Variants in PCDH15 observed in about 807,000 individuals in gnomAD.
PCDH15 encodes protocadherin related 15, also known as protocadherin-15.
Under a neutral mutation model 178.5 loss-of-function variants are expected in PCDH15, and 129 were observed. The observed-to-expected ratio is 0.72, with a 90% CI of 0.63 to 0.84. The LOEUF is 0.84. Among genes scored for constraint, PCDH15 ranks in the 40% least tolerant of loss-of-function variants. PCDH15 has a pLI of 0.00. For missense variants in PCDH15, 2,230 were observed against 2,099.9 expected, an observed-to-expected ratio of 1.06 and a Z score of -1.21; for synonymous variants, 800 against 732.0, an observed-to-expected ratio of 1.09 and a Z score of -1.50.
chr10:54,572,109 C>A (rs2089920449), intron 2 of PCDH15, among the ~76,000 whole-genome samples: 3 of 152,168 alleles, frequency 2.0e-5, no homozygotes, highest in Admixed American at 6.5e-5. Flanking sequence ...TGACGAAATA[C>A]CGTGTTTGTC....
chr10:54,407,343 G>A (rs891733003), intron 3 of PCDH15, among the ~76,000 whole-genome samples: 2 of 151,912 alleles, frequency 1.3e-5, no homozygotes, highest in African/African-American at 4.8e-5. Flanking sequence ...ATATTTCATT[G>A]ATTTCAATGT....
intron 3 of PCDH15, among the ~76,000 whole-genome samples, chr10:54,455,072 CCTG>C (rs2076732297): frequency 6.6e-6 from 1 of 152,248 alleles, no homozygotes; most frequent in African/African-American, 2.4e-5. Flanking sequence ...ACTTCTCCTT[CCTG>C]CTGCCATGTG....
chr10:55,221,006 A>G (rs1453709900), intron 1 of PCDH15, among the ~76,000 whole-genome samples: 1 of 152,122 alleles, frequency 6.6e-6, no homozygotes, highest in African/African-American at 2.4e-5. Flanking sequence ...TAAAACCTGG[A>G]AACCACCCAA....
chr10:55,283,107 C>T (rs568969469), intron 1 of PCDH15, among the ~76,000 whole-genome samples: 1 of 152,244 alleles, frequency 6.6e-6, no homozygotes, highest in South Asian at 2.1e-4. Context: ...TGTAAGTTTC[C>T]AAACCTCCCT....
intron 3 of PCDH15, among the ~76,000 whole-genome samples, chr10:54,477,871 C>G (rs931803409): frequency 6.6e-6 from 1 of 152,190 alleles, no homozygotes; most frequent in Non-Finnish European, 1.5e-5. Flanking sequence ...GCATGAGCTA[C>G]TGCACTCAGC....
At chr10:53,918,588 A>C (rs1249185105) in intron 25 of PCDH15, among the ~76,000 whole-genome samples, 1 of 152,222 alleles carries the variant, frequency 6.6e-6, no homozygotes, top group African/African-American at 2.4e-5. Flanking sequence ...ATTACAAATG[A>C]ATTAAAGGAT....
intron 1 of PCDH15, among the ~76,000 whole-genome samples, chr10:54,786,655 T>C (rs1231799365): frequency 6.6e-6 from 1 of 151,970 alleles, no homozygotes; most frequent in Non-Finnish European, 1.5e-5. Context: ...AGCAGAATTT[T>C]AAATGAAGGG....
chr10:55,278,543 C>A (rs1842652022), intron 1 of PCDH15, among the ~76,000 whole-genome samples: 1 of 151,938 alleles, frequency 6.6e-6, no homozygotes, highest in South Asian at 2.1e-4. Flanking sequence ...TTTTGATTTA[C>A]AAAATTTTAA....
intron 15 of PCDH15, among the ~76,000 whole-genome samples, chr10:54,092,886 T>G (rs890721854): frequency 9.2e-5 from 14 of 152,164 alleles, no homozygotes; most frequent in Admixed American, 6.6e-4. Context: ...GTTTGTTTAT[T>G]GATATGTGGT....
rs57385317 is a variant in PCDH15 at position 54,023,231 on chromosome 10, C to A, written c.2221-34G>T. 3,644 of 1,595,306 alleles carry A rather than the reference C, an allele frequency of 2.3e-3. 9 individuals are homozygous for A. The highest frequency in any genetic ancestry group is 2.9e-3 in the Non-Finnish European group (3,398 of 1,169,606). On this transcript the variant is annotated intron_variant, in intron 18 of 37. Coordinates refer to ENST00000644397, the MANE Select transcript of PCDH15 (RefSeq NM_001384140.1). Reference sequence around the variant, plus strand: ...TAAAACAAAAAAACAAAAAAATTCACGTAAGTTTTGACGGGCTACTGTAAA... The same window carrying A: ...TAAAACAAAAAAACAAAAAAATTCAAGTAAGTTTTGACGGGCTACTGTAAA...
intron 1 of PCDH15, among the ~76,000 whole-genome samples, chr10:54,715,053 T>C (rs1157457599): frequency 6.6e-6 from 1 of 152,078 alleles, no homozygotes; most frequent in Non-Finnish European, 1.5e-5. Flanking sequence ...AATATTGAGA[T>C]TGCTGATACT....
intron 21 of PCDH15, among the ~76,000 whole-genome samples, chr10:53,986,074 A>G (rs1047824878): frequency 6.6e-6 from 1 of 152,084 alleles, no homozygotes; most frequent in African/African-American, 2.4e-5. Context: ...TACAGTCACA[A>G]TTTTGGAAAG....
intron 2 of PCDH15, among the ~76,000 whole-genome samples, chr10:54,904,000 C>T (rs2131828120): frequency 6.6e-6 from 1 of 152,086 alleles, no homozygotes; most frequent in African/African-American, 2.4e-5. Flanking sequence ...AAATAACTGC[C>T]TTTTTGAAGC....
rs11004652 is a variant in PCDH15 at position 54,974,531 on chromosome 10, T to C, written c.-79-77031A>G. 2.8e-4 allele frequency among the ~76,000 whole-genome samples: 43 copies of C among 151,924 alleles called. No individual in the cohort carries two copies. The East Asian group carries it at 7.7e-3, about 27-fold the overall frequency. On this transcript the variant is annotated intron_variant, in intron 2 of 5. Transcript: ENST00000458638. The stretch of plus-strand genomic sequence containing the variant: ...TGTATAGATATATAATATACATATA[T>C]ACTTGGAAATTATTTTTATATTCAG...
intron 2 of PCDH15, among the ~76,000 whole-genome samples, chr10:55,125,123 A>T (rs1837863931): frequency 6.6e-6 from 1 of 151,658 alleles, no homozygotes; most frequent in Non-Finnish European, 1.5e-5. Flanking sequence ...AAAACACACG[A>T]AACAATCAAA....
chr10:54,274,695 A>G lies in PCDH15; in HGVS notation c.877-37764T>C, dbSNP rs138821949. On this transcript the variant is annotated intron_variant, in intron 8 of 37. Transcript: ENST00000644397. ...TAAGCACACTGTTAATAACCCTAGA[A>G]TGACTGACGTGTTCGTATTATGCAA... Among the ~76,000 whole-genome samples the G allele has an allele frequency of 1.0e-3, 145 of 145,366 alleles. 1 individual carries two copies. The highest frequency in any genetic ancestry group is 3.8e-3 in the African/African-American group (139 of 36,898).
chr10:54,061,289 A>T (rs1233295697), intron 18 of PCDH15, among the ~76,000 whole-genome samples: 1 of 152,148 alleles, frequency 6.6e-6, no homozygotes, highest in Non-Finnish European at 1.5e-5. Context: ...AATCCTCTAG[A>T]TTCTATCTCC....
chr10:55,625,085 A>G (rs1434431147), intron 2 of PCDH15, among the ~76,000 whole-genome samples: 2 of 152,260 alleles, frequency 1.3e-5, no homozygotes, highest in African/African-American at 2.4e-5. Flanking sequence ...GATAATCATA[A>G]TGTTTAGTTA....
chr10:54,613,589 G>A (rs1211518850), intron 2 of PCDH15, among the ~76,000 whole-genome samples: 2 of 151,452 alleles, frequency 1.3e-5, no homozygotes, highest in African/African-American at 4.8e-5. Context: ...GTAGAGTAGG[G>A]TCTCTGACAA....
Sources: allele counts gnomAD v4.1 joint callset (sites outside exome capture counted in the v4.1 genomes callset), GRCh38; gene constraint gnomAD v4.1.1; transcripts MANE v1.5; gene names NCBI Gene and HGNC (gene_info 2026-07-23, HGNC 2026-07-21).